Variants in CTNNA3 observed in about 807,000 individuals in gnomAD.
CTNNA3 encodes the protein catenin alpha 3.
Under a neutral mutation model 95.7 loss-of-function variants are expected in CTNNA3, and 76 were observed. The observed-to-expected ratio is 0.79, with a 90% confidence interval of 0.66 to 0.96. CTNNA3 has a LOEUF of 0.96. CTNNA3 is among the 40% of genes least tolerant of loss of function. The pLI is 0.00. For synonymous variants in CTNNA3, 431 were observed against 374.4 expected, an observed-to-expected ratio of 1.15 and a Z score of -1.74; for missense variants, 1,191 against 1,089.8, an observed-to-expected ratio of 1.09 and a Z score of -1.31.
chr10:67,150,191 CTTTAA>C (rs1861028187), intron 7 of CTNNA3, among the ~76,000 whole-genome samples: 1 of 152,118 alleles, frequency 6.6e-6, no homozygotes, highest in Admixed American at 6.5e-5. Context: ...AGCAATCTCT[CTTTAA>C]TAAGCTAAAC....
At chr10:67,526,787 G>A (rs1025191166) in intron 4 of CTNNA3, among the ~76,000 whole-genome samples, 3 of 152,172 alleles carry the variant, frequency 2.0e-5, no homozygotes, top group Admixed American at 6.5e-5. Flanking sequence ...AAATTGAAAA[G>A]ACCATTGTCA....
chr10:67,391,525 G>A (rs568516568), intron 5 of CTNNA3, among the ~76,000 whole-genome samples: 1 of 151,830 alleles, frequency 6.6e-6, no homozygotes, highest in Non-Finnish European at 1.5e-5. Context: ...AGCTACCAAT[G>A]CCTTTCTTCA....
intron 7 of CTNNA3, among the ~76,000 whole-genome samples, chr10:66,898,956 A>G (rs1845611303): frequency 6.6e-6 from 1 of 152,216 alleles, no homozygotes; most frequent in Non-Finnish European, 1.5e-5. Context: ...ATATTTACAA[A>G]TCACATATCT....
At chr10:66,336,030 CA>C (rs1397670579) in intron 12 of CTNNA3, among the ~76,000 whole-genome samples, 2 of 152,164 alleles carry the variant, frequency 1.3e-5, no homozygotes, top group Admixed American at 1.3e-4. Context: ...CCCTCCAAGA[CA>C]GGTGCGGGAT....
At chr10:66,906,865 G>A (rs1157203885) in intron 7 of CTNNA3, among the ~76,000 whole-genome samples, 2 of 152,220 alleles carry the variant, frequency 1.3e-5, no homozygotes, top group Admixed American at 1.3e-4. Flanking sequence ...GGGAGTATAA[G>A]TAAATAAACT....
chr10:66,408,467 G>A (rs2093075048), intron 11 of CTNNA3, among the ~76,000 whole-genome samples: 1 of 152,008 alleles, frequency 6.6e-6, no homozygotes, highest in South Asian at 2.1e-4. Flanking sequence ...TGGCACACAA[G>A]GTCTTGTTAA....
chr10:67,301,986 AGAAAGAAC>A (rs1377628891), intron 5 of CTNNA3, among the ~76,000 whole-genome samples: 1,713 of 86,378 alleles, frequency 0.02, 98 homozygotes, highest in East Asian at 0.032. Context: ...AAAGAAAGAA[AGAAAGAAC>A]GAAAGAACGA....
intron 11 of CTNNA3, among the ~76,000 whole-genome samples, chr10:66,387,428 TA>T (rs1313164682): frequency 5.9e-5 from 9 of 152,176 alleles, no homozygotes. Flanking sequence ...TGGCAGTCAT[TA>T]AAAAGCCAGG....
At chr10:66,208,047 A>G (rs1453345961) in intron 13 of CTNNA3, among the ~76,000 whole-genome samples, 1 of 152,108 alleles carries the variant, frequency 6.6e-6, no homozygotes, top group Non-Finnish European at 1.5e-5. Context: ...ATGTTTAATG[A>G]GAAAATGTGA....
At chr10:67,270,687 T>A (rs555035353) in intron 5 of CTNNA3, among the ~76,000 whole-genome samples, 29 of 152,166 alleles carry the variant, frequency 1.9e-4, no homozygotes, top group South Asian at 8.3e-4. Context: ...AATATTAGCT[T>A]TTGTGTAAGC....
intron 9 of CTNNA3, among the ~76,000 whole-genome samples, chr10:66,727,582 T>C (rs1266798197): frequency 1.3e-5 from 2 of 152,102 alleles, no homozygotes; most frequent in Admixed American, 1.3e-4. Context: ...AAAGCAATAT[T>C]TCTTTTGGAG....
rs1382453441 is a variant in CTNNA3, at chr10:67,298,411, G to A, written c.580-78541C>T. 2.6e-5 allele frequency among the ~76,000 whole-genome samples: 4 copies of A among 152,194 alleles called. No homozygotes were observed. The East Asian group carries it at 7.7e-4, about 29-fold the overall frequency. On this transcript the variant is annotated intron_variant, in intron 5 of 17. Transcript: ENST00000433211. The stretch of plus-strand genomic sequence containing the variant: ...TTTCACTTTAGAATAACCTGCTTTA[G>A]TGTCACTCTAATCCTAGAAACTTCA...
At chr10:67,638,601 A>G (rs1208118700) in intron 2 of CTNNA3, among the ~76,000 whole-genome samples, 1 of 152,224 alleles carries the variant, frequency 6.6e-6, no homozygotes, top group Non-Finnish European at 1.5e-5. Context: ...TTGACCACAT[A>G]GTTGGAAGTA....
At chr10:65,989,763 C>T (rs867301588) in intron 15 of CTNNA3, among the ~76,000 whole-genome samples, 1 of 152,006 alleles carries the variant, frequency 6.6e-6, no homozygotes, top group Non-Finnish European at 1.5e-5. Flanking sequence ...ATATTCAATA[C>T]ATTGTTTTTA....
At chr10:66,202,288 T>A (rs1564760197) in intron 13 of CTNNA3, among the ~76,000 whole-genome samples, 1 of 152,168 alleles carries the variant, frequency 6.6e-6, no homozygotes, top group Non-Finnish European at 1.5e-5. Context: ...AAAACCTAAA[T>A]GGAATTGTAA....
intron 1 of CTNNA3, among the ~76,000 whole-genome samples, chr10:67,728,859 T>C (rs1841259095): frequency 6.6e-6 from 1 of 152,082 alleles, no homozygotes; most frequent in African/African-American, 2.4e-5. Context: ...AAATAGGCCA[T>C]CTGTATATTT....
At chr10:66,297,150 T>G (rs145685068) in intron 12 of CTNNA3, among the ~76,000 whole-genome samples, 1 of 152,248 alleles carries the variant, frequency 6.6e-6, no homozygotes, top group East Asian at 1.9e-4. Flanking sequence ...AAGAGAAGAA[T>G]GGCAGTAGAT....
chr10:66,194,942 G>A (rs558210547), intron 13 of CTNNA3, among the ~76,000 whole-genome samples: 136 of 152,260 alleles, frequency 8.9e-4, no homozygotes, highest in Non-Finnish European at 1.3e-3. Flanking sequence ...AATGAACTTT[G>A]TTCTAGGCAT....
chr10:66,635,990 C>CTGTGTGTGTG (rs10527642), intron 9 of CTNNA3, among the ~76,000 whole-genome samples: 17 of 145,944 alleles, frequency 1.2e-4, no homozygotes, highest in Middle Eastern at 6.9e-3. Flanking sequence ...TGGAAGAACA[C>CTGTGTGTGTG]TGTGTGTGTG....
Sources: allele counts gnomAD v4.1 joint callset (sites outside exome capture counted in the v4.1 genomes callset), GRCh38; gene constraint gnomAD v4.1.1; transcripts MANE v1.5; gene names NCBI Gene and HGNC (gene_info 2026-07-23, HGNC 2026-07-21).